The following CACNB2 variants were observed in gnomAD, a reference collection of about 807,000 sequenced individuals.
CACNB2 encodes the protein calcium voltage-gated channel auxiliary subunit beta 2.
A neutral mutation model predicts 73.3 loss-of-function variants in CACNB2; 42 were observed. The ratio of observed to expected loss-of-function variants is 0.57; its 90% CI spans 0.45 to 0.74. The LOEUF is 0.74. Ranked by LOEUF, CACNB2 falls within the 30% of genes least tolerant of loss-of-function variation. The pLI is 0.00. For missense variants in CACNB2, 940 were observed against 853.0 expected (o/e 1.10, Z -1.27); for synonymous variants, 348 against 310.3 (o/e 1.12, Z -1.28).
chr10:18,497,767 CTTAA>C (rs1384475529), intron 3 of CACNB2, among the ~76,000 whole-genome samples: 1 of 152,064 alleles, frequency 6.6e-6, no homozygotes, highest in Non-Finnish European at 1.5e-5. Flanking sequence ...GGAAAGAGAT[CTTAA>C]TTAATATCTT....
chr10:18,465,684 T>TC (rs1346032961), intron 3 of CACNB2, among the ~76,000 whole-genome samples: 293 of 146,976 alleles, frequency 2.0e-3, no homozygotes, highest in African/African-American at 4.4e-3. Context: ...AACTTCTTCT[T>TC]TTTTTTTTTT....
At chr10:18,534,894 A>G (rs1313306943) in intron 11 of CACNB2, among the ~76,000 whole-genome samples, 1 of 152,226 alleles carries the variant, frequency 6.6e-6, no homozygotes, top group Non-Finnish European at 1.5e-5. Context: ...TTGGTGTAGC[A>G]GATATTTTCT....
At chr10:18,463,595 G>T (rs7077567) in intron 3 of CACNB2, among the ~76,000 whole-genome samples, 29,351 of 57,820 alleles carry the variant, frequency 0.51, 5,480 homozygotes, top group African/African-American at 0.64. Context: ...TTTTTTTTTT[G>T]TTGTTTTTTG....
At chr10:18,255,233 T>C (rs1160192563) in intron 2 of CACNB2, among the ~76,000 whole-genome samples, 3 of 152,050 alleles carry the variant, frequency 2.0e-5, no homozygotes. Flanking sequence ...TCTAACCTCA[T>C]CTTCTCCTCC....
chr10:18,185,085 C>G (rs2034089527), intron 2 of CACNB2, among the ~76,000 whole-genome samples: 1 of 152,136 alleles, frequency 6.6e-6, no homozygotes, highest in Admixed American at 6.5e-5. Flanking sequence ...GCAATCCTCC[C>G]ACCTTGGCCC....
chr10:18,347,085 T>C (rs1247196226), intron 2 of CACNB2, among the ~76,000 whole-genome samples: 1 of 152,178 alleles, frequency 6.6e-6, no homozygotes, highest in East Asian at 1.9e-4. Flanking sequence ...CTAGTCTTCT[T>C]AATAGAAGAA....
intron 2 of CACNB2, among the ~76,000 whole-genome samples, chr10:18,314,671 C>T (rs1201634632): frequency 6.6e-6 from 1 of 151,642 alleles, no homozygotes; most frequent in Non-Finnish European, 1.5e-5. Context: ...AACTGTCTGC[C>T]ATACAGCAAA....
intron 3 of CACNB2, among the ~76,000 whole-genome samples, chr10:18,432,133 TA>T (rs2045918923): frequency 6.6e-6 from 1 of 152,186 alleles, no homozygotes; most frequent in African/African-American, 2.4e-5. Flanking sequence ...TTCCAAGTCT[TA>T]GAGGGGAGGA....
intron 2 of CACNB2, among the ~76,000 whole-genome samples, chr10:18,190,081 C>G (rs972889849): frequency 3.3e-5 from 5 of 152,170 alleles, no homozygotes; most frequent in Non-Finnish European, 5.9e-5. Flanking sequence ...AAGCAAGGAG[C>G]TGATTCTCTT....
chr10:18,287,328 CA>C lies in CACNB2; in HGVS notation c.214-114586del, dbSNP rs1004389998. Among the ~76,000 whole-genome samples the C allele has an allele frequency of 9.4e-5, 14 of 148,328 alleles. 1 individual carries two copies. The highest frequency in any genetic ancestry group is 3.3e-4 in the Admixed American group (5 of 14,934). On this transcript the variant is annotated intron_variant, in intron 2 of 13. Coordinates refer to ENST00000324631, the MANE Select transcript of CACNB2 (RefSeq NM_201596.3). ...TGTTTGACACAGCGAGACTCTTTCT[CA>C]AAAAAAAAATCAAGTCACAAATATA...
At chr10:18,222,148 C>T (rs1421607717) in intron 2 of CACNB2, among the ~76,000 whole-genome samples, 2 of 152,204 alleles carry the variant, frequency 1.3e-5, no homozygotes, top group East Asian at 3.9e-4. Context: ...ATTCACATCA[C>T]AATCCGATCC....
intron 2 of CACNB2, among the ~76,000 whole-genome samples, chr10:18,281,375 T>C (rs2038537553): frequency 6.6e-6 from 1 of 152,198 alleles, no homozygotes; most frequent in Non-Finnish European, 1.5e-5. Context: ...TTAGGAGCTG[T>C]GTGGGAAACA....
At chr10:18,519,941 G>T (rs1053555878) in intron 9 of CACNB2, 1 of 330,418 alleles carries the variant, frequency 3.0e-6, no homozygotes. Flanking sequence ...TACTTTGCTT[G>T]GTTTCTGGAA....
At chr10:18,395,965 T>A (rs1477035152) in intron 2 of CACNB2, among the ~76,000 whole-genome samples, 1 of 152,184 alleles carries the variant, frequency 6.6e-6, no homozygotes, top group South Asian at 2.1e-4. Context: ...GATTTTATTG[T>A]TATTATTTTG....
chr10:18,199,338 T>C (rs569372809), intron 2 of CACNB2, among the ~76,000 whole-genome samples: 4 of 152,278 alleles, frequency 2.6e-5, no homozygotes, highest in East Asian at 1.9e-4. Flanking sequence ...TAAAATGTCA[T>C]GTAATGCCAA....
intron 2 of CACNB2, among the ~76,000 whole-genome samples, chr10:18,254,627 G>A (rs191036677): frequency 2.0e-5 from 3 of 152,228 alleles, no homozygotes. Flanking sequence ...ATTAGAGAAA[G>A]GTTTTCAGTT....
chr10:18,299,067 TA>T (rs71402154), intron 2 of CACNB2, among the ~76,000 whole-genome samples: 6,738 of 120,890 alleles, frequency 0.056, 222 homozygotes, highest in Middle Eastern at 0.13. Context: ...TAAAGTATAC[TA>T]AAAAAAAAAA....
intron 2 of CACNB2, among the ~76,000 whole-genome samples, chr10:18,371,943 C>T (rs1464077520): frequency 1.1e-4 from 17 of 152,212 alleles, no homozygotes; most frequent in Non-Finnish European, 2.2e-4. Flanking sequence ...TTGCATTTCT[C>T]TGATGGCCAG....
intron 2 of CACNB2, among the ~76,000 whole-genome samples, chr10:18,364,271 T>C (rs1001117404): frequency 2.7e-5 from 4 of 150,270 alleles, no homozygotes; most frequent in Non-Finnish European, 5.9e-5. Context: ...GCGTTTTCTA[T>C]AGCAATATTT....
Sources: allele counts gnomAD v4.1 joint callset (sites outside exome capture counted in the v4.1 genomes callset), GRCh38; gene constraint gnomAD v4.1.1; transcripts MANE v1.5; gene names NCBI Gene and HGNC (gene_info 2026-07-23, HGNC 2026-07-21).